TNR: variants seen among roughly 807,000 people sequenced by gnomAD.
TNR encodes tenascin R.
In TNR, 45 loss-of-function variants were observed where a neutral mutation model predicts 150.4. The ratio of observed to expected loss-of-function variants is 0.30; its 90% CI spans 0.24 to 0.38. The LOEUF is 0.38. TNR is among the 10% of genes least tolerant of loss of function. TNR has a pLI of 1.00. For synonymous variants in TNR, 687 were observed against 678.4 expected (o/e 1.01, Z -0.20); for missense variants, 1,544 against 1,759.1 (o/e 0.88, Z 2.19).
intron 1 of TNR, among the ~76,000 whole-genome samples, chr1:175,709,022 C>T (rs928150886): frequency 6.7e-6 from 1 of 149,978 alleles, no homozygotes; most frequent in African/African-American, 2.5e-5. Flanking sequence ...ACGACAGCTC[C>T]ATGATATTGG....
intron 1 of TNR, among the ~76,000 whole-genome samples, chr1:175,588,111 G>C (rs944834502): frequency 1.3e-5 from 2 of 152,222 alleles, no homozygotes; most frequent in African/African-American, 4.8e-5. Flanking sequence ...ATGACCAAAG[G>C]TGGGATGGAC....
At chr1:175,402,940 C>T (rs947726477) in intron 4 of TNR, among the ~76,000 whole-genome samples, 200 bp downstream of exon 4, 1 of 152,188 alleles carries the variant, frequency 6.6e-6, no homozygotes, top group African/African-American at 2.4e-5. Context: ...TTCCTATTTC[C>T]ACTCTTTATC....
rs536357106 is a variant in TNR, at chr1:175,335,822, A to T, written c.3535-15T>A. The T allele has an allele frequency of 8.8e-6, 14 of 1,596,624 alleles. No homozygotes were observed. In the East Asian group the frequency reaches 3.1e-4, roughly 36 times the overall value. ...CTCTGGAATACCTATGAAGGAAATA[A>T]AAAAACAAAAAACAAACAAACAAAA... On this transcript the variant is annotated splice_polypyrimidine_tract_variant and intron_variant, in intron 19 of 22. Transcript: ENST00000367674.
At chr1:175,483,170 T>C (rs573491483) in intron 2 of TNR, among the ~76,000 whole-genome samples, 29 of 152,308 alleles carry the variant, frequency 1.9e-4, no homozygotes, top group African/African-American at 6.7e-4. Flanking sequence ...TCAAAGGCCC[T>C]GTAGCCTACC....
chr1:175,464,408 A>T (rs1269003949), intron 2 of TNR, among the ~76,000 whole-genome samples: 1 of 152,250 alleles, frequency 6.6e-6, no homozygotes, highest in African/African-American at 2.4e-5. Context: ...ACAAAACTAT[A>T]AGACACTGCC....
At chr1:175,426,889 AATAT>A (rs1349397401) in intron 2 of TNR, among the ~76,000 whole-genome samples, 1 of 53,954 alleles carries the variant, frequency 1.9e-5, no homozygotes, top group African/African-American at 1.0e-4. Flanking sequence ...ATAAAATATA[AATAT>A]ATATAAAATA....
intron 2 of TNR, among the ~76,000 whole-genome samples, chr1:175,480,946 G>A (rs572137428): frequency 6.6e-6 from 1 of 152,092 alleles, no homozygotes; most frequent in Admixed American, 6.5e-5. Context: ...TCACCCAAAG[G>A]TTGCCTTTTT....
intron 1 of TNR, among the ~76,000 whole-genome samples, chr1:175,549,418 T>G (rs1660846973): frequency 6.6e-6 from 1 of 152,162 alleles, no homozygotes; most frequent in Non-Finnish European, 1.5e-5. Flanking sequence ...TTCTGCTCCC[T>G]CCTAAAAATC....
In TNR at chr1:175,406,215, C is replaced by T; in HGVS notation, c.499+1G>A. 1 of 1,613,338 alleles carries T rather than the reference C, an allele frequency of 6.2e-7. No homozygotes were observed. The highest frequency in any genetic ancestry group is 8.5e-7 in the Non-Finnish European group (1 of 1,179,546). On this transcript the variant is annotated splice_donor_variant, in intron 3 of 22. Transcript: ENST00000367674. LOFTEE classifies it high-confidence loss of function. ...CCACGCTGCGAGCTCCCGGACTCTA[C>T]CTGTGGCAGCACTTTCTTGGCAGCA...
At chr1:175,410,022 G>A (rs569461603) in intron 2 of TNR, among the ~76,000 whole-genome samples, 1 of 152,362 alleles carries the variant, frequency 6.6e-6, no homozygotes, top group African/African-American at 2.4e-5. Context: ...GAGCAGGGGT[G>A]TTAACAGGGC....
chr1:175,434,277 G>A (rs573835414), intron 2 of TNR, among the ~76,000 whole-genome samples: 1 of 152,220 alleles, frequency 6.6e-6, no homozygotes, highest in South Asian at 2.1e-4. Flanking sequence ...TAGCATATGG[G>A]GTGTCGACTG....
chr1:175,562,837 C>A (rs1413072556), intron 1 of TNR, among the ~76,000 whole-genome samples: 1 of 152,160 alleles, frequency 6.6e-6, no homozygotes, highest in Non-Finnish European at 1.5e-5. Context: ...GCTCCAAACA[C>A]CAGAAGTAAA....
intron 21 of TNR, among the ~76,000 whole-genome samples, chr1:175,327,623 C>G (rs891618455): frequency 2.6e-5 from 4 of 152,210 alleles, no homozygotes; most frequent in Admixed American, 1.3e-4. Context: ...CCAATCTTCT[C>G]TATTCCTCCT....
intron 2 of TNR, among the ~76,000 whole-genome samples, chr1:175,520,398 G>A (rs1234136408): frequency 6.6e-6 from 1 of 152,192 alleles, no homozygotes; most frequent in Admixed American, 6.5e-5. Context: ...CTGATTTCCA[G>A]GCATTTTCTT....
chr1:175,527,069 T>C (rs1001113992), intron 2 of TNR, among the ~76,000 whole-genome samples: 9 of 152,212 alleles, frequency 5.9e-5, no homozygotes, highest in African/African-American at 2.2e-4. Flanking sequence ...TCAGTAAAAA[T>C]GTCTTCATTG....
intron 1 of TNR, among the ~76,000 whole-genome samples, chr1:175,573,467 A>T (rs1488414637): frequency 6.6e-6 from 1 of 152,178 alleles, no homozygotes; most frequent in East Asian, 1.9e-4. Flanking sequence ...GCAAAGTAAG[A>T]TGGAAAGAAG....
At chr1:175,391,574 C>T in intron 6 of TNR, 136 bp from the exon 7 acceptor site, 1 of 965,110 alleles carries the variant, frequency 1.0e-6, no homozygotes, top group Non-Finnish European at 1.5e-6. Flanking sequence ...TTCCTCCATG[C>T]TGACAGCTGA....
chr1:175,420,996 AT>A (rs138217314), intron 2 of TNR, among the ~76,000 whole-genome samples: 5,493 of 151,888 alleles, frequency 0.036, 145 homozygotes, highest in African/African-American at 0.076. Context: ...CGCTCTCTGA[AT>A]TTTTTTTTAA....
At chr1:175,539,420 A>C (rs1194248088) in intron 1 of TNR, among the ~76,000 whole-genome samples, 1 of 152,230 alleles carries the variant, frequency 6.6e-6, no homozygotes, top group African/African-American at 2.4e-5. Flanking sequence ...AACTTCCTGG[A>C]AACCCATGTG....
Sources: gnomAD v4.1 joint callset for allele counts (sites outside exome capture counted in the v4.1 genomes callset) on GRCh38, gnomAD v4.1.1 for gene constraint, MANE v1.5 for transcripts, NCBI Gene and HGNC (gene_info 2026-07-23, HGNC 2026-07-21) for gene names.